FGF14: variants seen among roughly 807,000 people sequenced by gnomAD.
FGF14 encodes the protein fibroblast growth factor homologous factor 4.
FGF14 carries 5 observed loss-of-function variants against 25.5 expected under a neutral mutation model. The observed-to-expected ratio is 0.20, with a 90% CI of 0.10 to 0.41. The LOEUF is 0.41. Among genes scored for constraint, FGF14 ranks in the 10% least tolerant of loss-of-function variants. The probability of loss-of-function intolerance (pLI) is 1.00; values close to 1 mark genes in which losing one functional copy is unlikely to be tolerated. For synonymous variants in FGF14, 138 were observed against 118.3 expected (o/e 1.17, Z -1.08); for missense variants, 222 against 320.1 (o/e 0.69, Z 2.34).
At chr13:102,082,236 G>GA (rs757564981) in intron 1 of FGF14, among the ~76,000 whole-genome samples, 14,002 of 115,602 alleles carry the variant, frequency 0.12, 743 homozygotes, top group African/African-American at 0.18. Context: ...GGGGCTTAAG[G>GA]AAAAAAAAAA....
chr13:102,400,466 C>T lies in FGF14; in HGVS notation c.208+1005G>A, dbSNP rs2105104. ...TTCCGGGAAAGGCTGCGCCCAGCCT[C>T]CTCGCCAGCGCCGCCGCCACCACCA... On this transcript the variant is annotated intron_variant, in intron 1 of 4. Coordinates refer to the FGF14 transcript ENST00000376131. The surrounding 1 kb of genome is among the most constrained non-coding windows in gnomAD (Gnocchi z 4.3). Among the ~76,000 whole-genome samples the T allele has an allele frequency of 6.6e-6, 1 of 152,216 alleles. No individual in the cohort carries two copies. The highest frequency in any genetic ancestry group is 1.5e-5 in the Non-Finnish European group (1 of 68,036).
chr13:102,154,256 CA>C (rs2047217012), intron 1 of FGF14, among the ~76,000 whole-genome samples: 1 of 151,956 alleles, frequency 6.6e-6, no homozygotes. Context: ...ATGTTAAAAG[CA>C]GCCAGAGAGA....
At chr13:102,258,670 G>A (rs1246992249) in intron 1 of FGF14, among the ~76,000 whole-genome samples, 2 of 152,204 alleles carry the variant, frequency 1.3e-5, no homozygotes, top group African/African-American at 2.4e-5. Flanking sequence ...AATGATAGCT[G>A]TCTCAATGAA....
At chr13:101,843,296 C>A (rs2043281712) in intron 3 of FGF14, among the ~76,000 whole-genome samples, 1 of 151,932 alleles carries the variant, frequency 6.6e-6, no homozygotes, top group Non-Finnish European at 1.5e-5. Context: ...AGGAGACATG[C>A]ATTTAGGGGG....
chr13:102,281,178 A>C (rs1176237261), intron 1 of FGF14, among the ~76,000 whole-genome samples: 1 of 152,202 alleles, frequency 6.6e-6, no homozygotes, highest in African/African-American at 2.4e-5. Context: ...ATGAAAAGTA[A>C]GATTTTCTTT....
At chr13:101,986,649 G>A (rs545126618) in intron 1 of FGF14, among the ~76,000 whole-genome samples, 2 of 152,208 alleles carry the variant, frequency 1.3e-5, no homozygotes, top group African/African-American at 4.8e-5. Flanking sequence ...AATAAGAGCA[G>A]GCCTTGCTCA....
At chr13:102,217,385 C>T (rs1426454919) in intron 1 of FGF14, among the ~76,000 whole-genome samples, 1 of 152,154 alleles carries the variant, frequency 6.6e-6, no homozygotes, top group Non-Finnish European at 1.5e-5. Flanking sequence ...CTCATAGAGA[C>T]ATTTCTGTTC....
At chr13:102,214,806 G>C (rs538071249) in intron 1 of FGF14, among the ~76,000 whole-genome samples, 2 of 152,358 alleles carry the variant, frequency 1.3e-5, no homozygotes, top group South Asian at 4.1e-4. Context: ...CTAAGCATCT[G>C]ATAATGCATA....
chr13:102,372,383 T>A (rs2057910757), intron 1 of FGF14, among the ~76,000 whole-genome samples: 1 of 152,148 alleles, frequency 6.6e-6, no homozygotes, highest in Non-Finnish European at 1.5e-5. Context: ...TAGTTATTCA[T>A]CCGAAATTCA....
chr13:102,051,604 G>C (rs144410216), intron 1 of FGF14, among the ~76,000 whole-genome samples: 295 of 152,288 alleles, frequency 1.9e-3, no homozygotes, highest in Non-Finnish European at 2.7e-3. Flanking sequence ...TACCACTATG[G>C]ATAGCACAGT....
chr13:101,851,379 G>C (rs1429817154), intron 3 of FGF14, among the ~76,000 whole-genome samples: 1 of 152,032 alleles, frequency 6.6e-6, no homozygotes, highest in Non-Finnish European at 1.5e-5. Context: ...GGAACCAAGA[G>C]TGCTGACACC....
rs191331976 is a variant in FGF14 at position 102,102,812 on chromosome 13, A to C, written c.209-227516T>G. On this transcript the variant is annotated intron_variant, in intron 1 of 4. Transcript: ENST00000376131. ...ACTGATGGTCAAAGAGTAACACAAA[A>C]GCACAAAAGTAACTTACATTCAAGT... 1.2e-3 allele frequency among the ~76,000 whole-genome samples: 188 copies of C among 152,332 alleles called. 2 individuals carry two copies. The highest frequency in any genetic ancestry group is 6.8e-3 in the Middle Eastern group (2 of 294).
intron 1 of FGF14, among the ~76,000 whole-genome samples, chr13:102,333,185 T>C (rs1303504887): frequency 6.6e-6 from 1 of 152,194 alleles, no homozygotes; most frequent in Non-Finnish European, 1.5e-5. Flanking sequence ...TGATTATATA[T>C]ATGTAATTCA....
intron 1 of FGF14, among the ~76,000 whole-genome samples, chr13:102,127,579 A>G (rs2046001798): frequency 6.6e-6 from 1 of 152,238 alleles, no homozygotes; most frequent in Non-Finnish European, 1.5e-5. Context: ...TAAAACCATA[A>G]GAAACCCTAA....
intron 1 of FGF14, among the ~76,000 whole-genome samples, chr13:102,275,609 A>G (rs1473528022): frequency 2.0e-5 from 3 of 152,202 alleles, no homozygotes; most frequent in African/African-American, 7.2e-5. Context: ...ATCCTTGCAA[A>G]GAACATTAGA....
Position 102,201,100 on chromosome 13 carries a change from CTCAAAAAAAA to C in FGF14, c.208+200361_208+200370del, listed in dbSNP as rs1397390191. ...TGGGCGACAGAGCGAGACTCCGTCT[CTCAAAAAAAA>C]AAAAAAAAAAAAAAAAAAAAAAAAA... is the stretch of plus-strand genomic sequence containing the variant. On this transcript the variant is annotated intron_variant, in intron 1 of 4. Transcript: ENST00000376131. Among the ~76,000 whole-genome samples, 5 of 52,722 alleles carry C rather than the reference CTCAAAAAAAA, an allele frequency of 9.5e-5. No individual in the cohort carries two copies. The South Asian group carries it at 3.0e-3, about 31-fold the overall frequency. 34.6% of individuals were successfully genotyped at this position (52,722 alleles called of 152,430 possible). A position where few individuals can be genotyped will look rare whatever the true frequency, so the allele number is the denominator to read the frequency against.
chr13:101,909,625 C>T (rs915600715), intron 1 of FGF14, among the ~76,000 whole-genome samples: 4 of 152,182 alleles, frequency 2.6e-5, no homozygotes, highest in Non-Finnish European at 1.5e-5. Context: ...GAAATAGGAA[C>T]ACTTTTACAC....
chr13:102,347,798 T>G (rs1049500885), intron 1 of FGF14, among the ~76,000 whole-genome samples: 4 of 151,980 alleles, frequency 2.6e-5, no homozygotes, highest in Non-Finnish European at 5.9e-5. Flanking sequence ...TAACCCGAAA[T>G]TCGAATGGAA....
chr13:102,284,231 A>G (rs1275743656), intron 1 of FGF14, among the ~76,000 whole-genome samples: 1 of 152,168 alleles, frequency 6.6e-6, no homozygotes, highest in Non-Finnish European at 1.5e-5. Context: ...AATGTCTCCA[A>G]ATCGCAACTC....
Sources: allele counts gnomAD v4.1 joint callset (sites outside exome capture counted in the v4.1 genomes callset), GRCh38; gene constraint gnomAD v4.1.1; non-coding constraint Gnocchi (gnomAD v3.1); transcripts MANE v1.5; gene names NCBI Gene and HGNC (gene_info 2026-07-23, HGNC 2026-07-21).